LRP5: variants seen among roughly 807,000 people sequenced by gnomAD.
LRP5 encodes the protein LDL receptor related protein 5.
A neutral mutation model predicts 154.1 loss-of-function variants in LRP5; 62 were observed. The ratio of observed to expected loss-of-function variants is 0.40; its 90% CI spans 0.33 to 0.50. The LOEUF is 0.50. Among genes scored for constraint, LRP5 ranks in the 20% least tolerant of loss-of-function variants. The pLI is 0.55. For missense variants in LRP5, 1,915 were observed against 2,336.7 expected, an observed-to-expected ratio of 0.82 and a Z score of 3.72; for synonymous variants, 966 against 1,011.5, an observed-to-expected ratio of 0.96 and a Z score of 0.85.
chr11:68,311,374 AGC>A (rs1355722576), upstream of LRP5, among the ~76,000 whole-genome samples: 207 of 152,050 alleles, frequency 1.4e-3, no homozygotes, highest in African/African-American at 4.8e-3. Flanking sequence ...CCTCTGCCCC[AGC>A]GCCTCCTCCG....
intron 1 of LRP5, among the ~76,000 whole-genome samples, chr11:68,338,894 G>A (rs1251679267): frequency 1.9e-4 from 9 of 46,440 alleles, no homozygotes; most frequent in African/African-American, 8.6e-4. Context: ...TTTTTTTTGA[G>A]ACAGAATCTC....
At chr11:68,427,974 T>TATTTTATTTTA (rs370883601) in intron 16 of LRP5, among the ~76,000 whole-genome samples, 6 of 45,778 alleles carry the variant, frequency 1.3e-4, no homozygotes, top group African/African-American at 2.8e-4. Flanking sequence ...TATTTTATTT[T>TATTTTATTTTA]TTTTATTTAT....
rs908407117 is a variant in LRP5, at chr11:68,312,598, T to G, written c.-117T>G. On this transcript the variant is annotated 5_prime_UTR_variant, in exon 1 of 23. Coordinates refer to ENST00000294304, the MANE Select transcript of LRP5 (RefSeq NM_002335.4). Reference sequence around the variant, plus strand: ...CCCAGCTCCCTCCTCCCCGTCGTCCTGGTCCGCGGCGCCCGAGGGGGGAGG... The same window carrying G: ...CCCAGCTCCCTCCTCCCCGTCGTCCGGGTCCGCGGCGCCCGAGGGGGGAGG... 27 of 283,806 alleles carry G rather than the reference T, an allele frequency of 9.5e-5. No homozygotes were observed. Among genetic ancestry groups the G allele is most frequent in the African/African-American group, 6.0e-4 (26 of 43,298 alleles). 17.6% of individuals were successfully genotyped at this position (283,806 alleles called of 1,614,324 possible).
chr11:68,414,048 CG>C (rs1565092472), intron 12 of LRP5, 36 bp downstream of exon 12: 1 of 1,577,370 alleles, frequency 6.3e-7, no homozygotes, highest in Non-Finnish European at 8.6e-7. Flanking sequence ...CTCACTCCCT[CG>C]TTAGATCAGG....
intron 9 of LRP5, 73 bp downstream of exon 9, chr11:68,406,886 T>G (rs2098656017): frequency 6.9e-7 from 1 of 1,455,942 alleles, no homozygotes; most frequent in East Asian, 2.4e-5. Flanking sequence ...CCTCAAAGGC[T>G]TCAGACACTT....
At chr11:68,302,682 C>A in the LRP5 span, among the ~76,000 whole-genome samples, 10 of 152,260 alleles carry the variant, frequency 6.6e-5, no homozygotes, top group South Asian at 2.1e-3. Flanking sequence ...TCAGGCCTGG[C>A]AAGAAAGGAC....
intron 21 of LRP5, among the ~76,000 whole-genome samples, chr11:68,443,903 C>A (rs2098680016): frequency 6.6e-6 from 1 of 151,746 alleles, no homozygotes; most frequent in African/African-American, 2.4e-5. Flanking sequence ...AGGTGATCCA[C>A]CCACCTCGGC....
In LRP5 at chr11:68,406,935, A is replaced by C. The variant is rs530734954; in HGVS notation, c.2091+122A>C. 9.8e-6 allele frequency: 10 copies of C among 1,015,736 alleles called. No individual in the cohort carries two copies. In the African/African-American group the frequency reaches 1.5e-4, roughly 15 times the overall value. 62.9% of individuals were successfully genotyped at this position (1,015,736 alleles called of 1,614,324 possible). A position where few individuals can be genotyped will look rare whatever the true frequency, so the allele number is the denominator to read the frequency against. Reference sequence around the variant, plus strand: ...ATCGTATTTATTGTAACGCAGTTCAAGCTAATCAAATATGAGCAAGCCTAT... The same window carrying C: ...ATCGTATTTATTGTAACGCAGTTCACGCTAATCAAATATGAGCAAGCCTAT... On this transcript the variant is annotated intron_variant, in intron 9 of 22. Transcript: ENST00000294304.
chr11:68,317,375 T>G (rs928461649), intron 1 of LRP5, among the ~76,000 whole-genome samples: 2 of 152,138 alleles, frequency 1.3e-5, no homozygotes, highest in Admixed American at 1.3e-4. Context: ...ACCCCGAGGG[T>G]GTGACTGAGA....
upstream of LRP5, among the ~76,000 whole-genome samples, chr11:68,311,055 G>A (rs942983858): frequency 2.6e-5 from 4 of 152,128 alleles, no homozygotes; most frequent in Non-Finnish European, 4.4e-5. Flanking sequence ...AAGTGGGGAC[G>A]CATGAGTGGG....
At chr11:68,346,509 C>A (rs1391609213) in intron 1 of LRP5, among the ~76,000 whole-genome samples, 2 of 152,272 alleles carry the variant, frequency 1.3e-5, no homozygotes, top group African/African-American at 4.8e-5. Flanking sequence ...GGCTGCAAAT[C>A]TTTCCCCTGC....
Position 68,350,072 on chromosome 11 carries a change from G to A in LRP5, c.488+1829G>A, listed in dbSNP as rs78813936. Among the ~76,000 whole-genome samples the A allele has an allele frequency of 2.9e-3, 434 of 152,196 alleles. 2 individuals carry two copies. The highest frequency in any genetic ancestry group is 5.4e-3 in the Admixed American group (82 of 15,280). The stretch of plus-strand genomic sequence containing the variant: ...CCTGGACCTCACCGGTTGAGGGGCC[G>A]GCCTAGATCTTCTTTGCGCAATGGC... On this transcript the variant is annotated intron_variant, in intron 2 of 22. Coordinates refer to ENST00000294304, the MANE Select transcript of LRP5 (RefSeq NM_002335.4).
At chr11:68,334,632 T>C (rs1004490164) in intron 1 of LRP5, among the ~76,000 whole-genome samples, 1 of 152,098 alleles carries the variant, frequency 6.6e-6, no homozygotes, top group African/African-American at 2.4e-5. Flanking sequence ...TCCAGCACTT[T>C]GGGAGGCTGA....
intron 5 of LRP5, among the ~76,000 whole-genome samples, chr11:68,366,624 A>G (rs1020171531): frequency 2.0e-5 from 3 of 151,920 alleles, no homozygotes; most frequent in African/African-American, 7.3e-5. Flanking sequence ...AGGATTTTCC[A>G]GGTTTGTATT....
chr11:68,364,533 G>A (rs1164524109), intron 4 of LRP5, among the ~76,000 whole-genome samples: 4 of 152,090 alleles, frequency 2.6e-5, no homozygotes, highest in East Asian at 1.9e-4. Context: ...TGCAAGTCGC[G>A]TATTTATCAA....
At chr11:68,377,019 G>A (rs1352512000) in intron 5 of LRP5, among the ~76,000 whole-genome samples, 11 of 152,260 alleles carry the variant, frequency 7.2e-5, no homozygotes, top group South Asian at 6.2e-4. Context: ...GGTGGCTCAC[G>A]CCTGTAATCC....
In LRP5 at chr11:68,413,302, C is replaced by T. The variant is rs965221787; in HGVS notation, c.2504-387C>T. 3.2e-5 allele frequency: 12 copies of T among 376,500 alleles called. No homozygotes were observed. The highest frequency in any genetic ancestry group is 2.5e-4 in the Admixed American group (6 of 24,304). The allele number at this position is 376,500 out of a possible 1,614,324, so 23.3% of individuals were successfully genotyped here. A position where few individuals can be genotyped will look rare whatever the true frequency, so the allele number is the denominator to read the frequency against. Reference sequence around the variant, plus strand: ...GCATTGCAGCCTGGCCGTCACTCCTCGGTACGTGTTTTGGACTTAAACGCT... The same window carrying T: ...GCATTGCAGCCTGGCCGTCACTCCTTGGTACGTGTTTTGGACTTAAACGCT... On this transcript the variant is annotated intron_variant, in intron 11 of 22. Transcript: ENST00000294304. This position sits in a 1 kb window ranked among gnomAD's most constrained non-coding sequence, Gnocchi z 5.1.
rs546936547 is a variant in LRP5 at position 68,423,399 on chromosome 11, G to A, written c.3028-90G>A. 8.1e-7 allele frequency: 1 copy of A among 1,237,670 alleles called. No homozygotes were observed. The highest frequency in any genetic ancestry group is 1.5e-5 in the African/African-American group (1 of 67,818). 76.7% of individuals were successfully genotyped at this position (1,237,670 alleles called of 1,614,324 possible). On this transcript the variant is annotated intron_variant, in intron 13 of 22. Transcript: ENST00000294304. The surrounding 1 kb of genome is among the most constrained non-coding windows in gnomAD (Gnocchi z 4.7). ...CCAGTGCCCGGGGGTCTCCACCAGT[G>A]CCCGGGGGTCTCCGCCAGTGCCAGG...
At chr11:68,395,706 C>T (rs930851892) in intron 7 of LRP5, among the ~76,000 whole-genome samples, 7 of 152,140 alleles carry the variant, frequency 4.6e-5, no homozygotes, top group African/African-American at 1.2e-4. Flanking sequence ...TGCCCAGACC[C>T]GCCCTGCCAT....
Sources: allele counts gnomAD v4.1 joint callset (sites outside exome capture counted in the v4.1 genomes callset), GRCh38; gene constraint gnomAD v4.1.1; non-coding constraint Gnocchi (gnomAD v3.1); transcripts MANE v1.5; gene names NCBI Gene and HGNC (gene_info 2026-07-23, HGNC 2026-07-21).